MTMR7: variants seen among roughly 807,000 people sequenced by gnomAD.
MTMR7 encodes the protein myotubularin related protein 7.
Under a neutral mutation model 81.2 loss-of-function variants are expected in MTMR7, and 76 were observed. The observed-to-expected ratio is 0.94, with a 90% CI of 0.78 to 1.13. The LOEUF is 1.13. Ranked by LOEUF, MTMR7 falls within the 50% of genes most tolerant of loss-of-function variation. MTMR7 has a pLI of 0.00. For synonymous variants in MTMR7, 372 were observed against 289.8 expected (o/e 1.28, Z -2.88); for missense variants, 1,044 against 820.0 (o/e 1.27, Z -3.34).
At chr8:17,341,300 C>G in intron 6 of MTMR7, 63 bp downstream of exon 6, 1 of 1,598,446 alleles carries the variant, frequency 6.3e-7, no homozygotes, top group Non-Finnish European at 8.5e-7. Context: ...GTCGGCTAGC[C>G]TTTGCCTGTC....
rs570798460 is a variant in MTMR7, at chr8:17,361,362, G to A, written c.311-88C>T. ...GAAAACATTCTGTCCCACCTGGAGT[G>A]CCCAGAGAGGCCATCCCAACCCCCA... is the stretch of plus-strand genomic sequence containing the variant. On this transcript the variant is annotated intron_variant, in intron 3 of 13. Coordinates refer to ENST00000180173, the MANE Select transcript of MTMR7 (RefSeq NM_004686.5). 9.7e-6 allele frequency: 14 copies of A among 1,441,472 alleles called. No individual in the cohort carries two copies. In the Admixed American group the frequency reaches 1.2e-4, roughly 12 times the overall value. The allele number at this position is 1,441,472 out of a possible 1,614,324, so 89.3% of individuals were successfully genotyped here. A position where few individuals can be genotyped will look rare whatever the true frequency, so the allele number is the denominator to read the frequency against.
rs752801912 is a variant in MTMR7, at chr8:17,313,417, T to C, written c.866-16A>G. ...AGTTCACACACTGCAAGATAAATCA[T>C]GTTATAAAAGCAAAATTAAGGTACT... On this transcript the variant is annotated splice_polypyrimidine_tract_variant and intron_variant, in intron 7 of 13. Transcript: ENST00000180173. 4.5e-6 allele frequency: 7 copies of C among 1,563,064 alleles called. No homozygotes were observed. In the South Asian group the frequency reaches 6.9e-5, roughly 15 times the overall value.
At chr8:17,379,228 G>T (rs186811826) in intron 1 of MTMR7, among the ~76,000 whole-genome samples, 50 of 152,266 alleles carry the variant, frequency 3.3e-4, no homozygotes, top group African/African-American at 1.2e-3. Flanking sequence ...GAAGCATGAG[G>T]ATCATAACCC....
chr8:17,302,489 A>G (rs1817182377), intron 12 of MTMR7: 1 of 490,422 alleles, frequency 2.0e-6, no homozygotes, highest in Non-Finnish European at 3.5e-6. Flanking sequence ...GAATAAGTTT[A>G]TGAAAAGTCT....
chr8:17,366,343 T>C lies in MTMR7; in HGVS notation c.310+4694A>G, dbSNP rs1173488820. 2.0e-5 allele frequency among the ~76,000 whole-genome samples: 3 copies of C among 152,120 alleles called. No homozygotes were observed. The East Asian group carries it at 5.8e-4, about 29-fold the overall frequency. On this transcript the variant is annotated intron_variant, in intron 3 of 13. Coordinates refer to ENST00000180173, the MANE Select transcript of MTMR7 (RefSeq NM_004686.5). ...TATTTAGGATAAATATATGGAGTAATTGCCTCTCATTACAGACTAACTGGG... is the reference window on the plus strand; with the variant it reads ...TATTTAGGATAAATATATGGAGTAACTGCCTCTCATTACAGACTAACTGGG...
intron 1 of MTMR7, among the ~76,000 whole-genome samples, chr8:17,400,532 C>T (rs943330765): frequency 3.9e-5 from 6 of 152,134 alleles, no homozygotes; most frequent in Non-Finnish European, 8.8e-5. Context: ...TGTGTGCTTC[C>T]CTGCCTCTAG....
chr8:17,367,867 G>GT lies in MTMR7; in HGVS notation c.310+3169_310+3170insA, dbSNP rs1563361841. On this transcript the variant is annotated intron_variant, in intron 3 of 13. Transcript: ENST00000180173. ...GCATTCTGCTGATGCTAAGGTTTGG[G>GT]GTTTTTTTTTTTTTTTTCTATTTTT... Among the ~76,000 whole-genome samples, 21 of 146,086 alleles carry GT rather than the reference G, an allele frequency of 1.4e-4. No homozygotes were observed. In the South Asian group the frequency reaches 3.1e-3, roughly 21 times the overall value.
chr8:17,304,521 T>C lies in MTMR7; in HGVS notation c.1353-2A>G, dbSNP rs1817325150. ...AATGAGTATGTTCTTTCTTGAATCCTGTTATAAAGAAAATAAGTCTATAAA... is the reference window on the plus strand; with the variant it reads ...AATGAGTATGTTCTTTCTTGAATCCCGTTATAAAGAAAATAAGTCTATAAA... On this transcript the variant is annotated splice_acceptor_variant, in intron 11 of 13. Coordinates refer to ENST00000180173, the MANE Select transcript of MTMR7 (RefSeq NM_004686.5). LOFTEE classifies it high-confidence loss of function. The C allele has an allele frequency of 6.2e-7, 1 of 1,612,740 alleles. No individual in the cohort carries two copies. Among genetic ancestry groups the C allele is most frequent in the Non-Finnish European group, 8.5e-7 (1 of 1,179,082 alleles).
chr8:17,352,551 TTATG>T (rs1260939468), intron 4 of MTMR7, among the ~76,000 whole-genome samples: 3 of 152,150 alleles, frequency 2.0e-5, no homozygotes, highest in African/African-American at 7.2e-5. Flanking sequence ...CACTGATTTA[TTATG>T]TATGACAGCA....
intron 1 of MTMR7, among the ~76,000 whole-genome samples, chr8:17,403,551 C>T (rs1821489042): frequency 6.6e-6 from 1 of 152,134 alleles, no homozygotes; most frequent in South Asian, 2.1e-4. Flanking sequence ...ATACATTTGG[C>T]TATTCTGGGT....
intron 1 of MTMR7, among the ~76,000 whole-genome samples, chr8:17,397,637 T>C (rs1290019398): frequency 6.6e-6 from 1 of 152,188 alleles, no homozygotes; most frequent in Non-Finnish European, 1.5e-5. Context: ...GCCCAGGGCC[T>C]GGGGGAACTC....
intron 13 of MTMR7, among the ~76,000 whole-genome samples, chr8:17,300,783 C>T (rs1435966255): frequency 6.6e-6 from 1 of 152,230 alleles, no homozygotes; most frequent in Non-Finnish European, 1.5e-5. Context: ...TCCTATCTCC[C>T]CACAGCCCCT....
chr8:17,309,395 A>C (rs999163349), intron 9 of MTMR7, 69 bp from the exon 10 acceptor site: 6 of 1,057,934 alleles, frequency 5.7e-6, no homozygotes, highest in African/African-American at 4.8e-5. Context: ...ACAACCAATA[A>C]TGTTGAGGAA....
At chr8:17,346,500 G>C (rs1328388511) in intron 5 of MTMR7, among the ~76,000 whole-genome samples, 2 of 152,148 alleles carry the variant, frequency 1.3e-5, no homozygotes, top group African/African-American at 4.8e-5. Flanking sequence ...AATAGCACTT[G>C]GGGGAGCAGG....
rs779890075 is a variant in MTMR7 at position 17,341,421 on chromosome 8, G to A, written c.674C>T (p.Ala225Val). The change falls in exon 6 of 14, where the codon GCC (alanine) becomes GTC (valine). Residue 225 changes from alanine (A) to valine (V), a missense_variant. Transcript: ENST00000180173. ...RCLEDEQMLQ[A>V]IRKANPGSDF... ...ACTTCCTGGATTGGCTTTCCTAATGGCCTGGAGCATCTGCTCGTCCTCTAG... is the reference window on the plus strand; with the variant it reads ...ACTTCCTGGATTGGCTTTCCTAATGACCTGGAGCATCTGCTCGTCCTCTAG... 5.6e-6 allele frequency: 9 copies of A among 1,614,070 alleles called. No homozygotes were observed. The Admixed American group carries it at 1.3e-4, about 24-fold the overall frequency.
At chr8:17,399,145 GA>G (rs1270561709) in intron 1 of MTMR7, among the ~76,000 whole-genome samples, 36 of 145,210 alleles carry the variant, frequency 2.5e-4, no homozygotes, top group Non-Finnish European at 3.6e-4. Flanking sequence ...TCAGACAAGA[GA>G]AAAAAAAAAT....
chr8:17,298,596 A>C lies in MTMR7; in HGVS notation c.*1266T>G, dbSNP rs1816896169. 1 of 152,572 alleles carries C rather than the reference A, an allele frequency of 6.6e-6. No homozygotes were observed. Among genetic ancestry groups the C allele is most frequent in the Non-Finnish European group, 1.5e-5 (1 of 67,986 alleles). The allele number at this position is 152,572 out of a possible 1,614,324, so 9.5% of individuals were successfully genotyped here. On this transcript the variant is annotated 3_prime_UTR_variant, in exon 14 of 14. Coordinates refer to ENST00000180173, the MANE Select transcript of MTMR7 (RefSeq NM_004686.5). ...TGATGTAAATTGTAAAGTTTAAATT[A>C]ATCCTTTCACATATTCAAAATATTG...
intron 3 of MTMR7, among the ~76,000 whole-genome samples, chr8:17,369,098 C>T (rs747854481): frequency 2.2e-4 from 33 of 152,160 alleles, no homozygotes; most frequent in Admixed American, 3.9e-4. Flanking sequence ...CCCATTAATC[C>T]GCTCAGAGCA....
intron 10 of MTMR7, among the ~76,000 whole-genome samples, chr8:17,306,562 G>T (rs576510148): frequency 5.3e-5 from 8 of 152,206 alleles, no homozygotes; most frequent in Non-Finnish European, 1.0e-4. Flanking sequence ...CCTCAAATTT[G>T]TATTGATTTT....
Sources: gnomAD v4.1 joint callset for allele counts (sites outside exome capture counted in the v4.1 genomes callset) on GRCh38, gnomAD v4.1.1 for gene constraint, MANE v1.5 for transcripts, NCBI Gene and HGNC (gene_info 2026-07-23, HGNC 2026-07-21) for gene names.